COL24A1: variants seen among roughly 807,000 people sequenced by gnomAD.
COL24A1 encodes collagen alpha-1(XXIV) chain.
COL24A1 carries 224 observed loss-of-function variants against 253.9 expected under a neutral mutation model. The ratio of observed to expected loss-of-function variants is 0.88; its 90% CI spans 0.79 to 0.99. The LOEUF is 0.99. Ranked by LOEUF, COL24A1 falls within the 50% of genes least tolerant of loss-of-function variation. COL24A1 has a pLI of 0.00. For synonymous variants in COL24A1, 685 were observed against 673.7 expected (o/e 1.02, Z -0.26); for missense variants, 2,131 against 2,068.5 (o/e 1.03, Z -0.59).
At chr1:85,836,212 T>C (rs1175436566) in intron 43 of COL24A1, among the ~76,000 whole-genome samples, 2 of 152,200 alleles carry the variant, frequency 1.3e-5, no homozygotes, top group African/African-American at 2.4e-5. Flanking sequence ...TACGTATAAT[T>C]TATATGAAAT....
chr1:85,976,087 T>G (rs1571438895), intron 20 of COL24A1, among the ~76,000 whole-genome samples: 1 of 152,112 alleles, frequency 6.6e-6, no homozygotes, highest in Non-Finnish European at 1.5e-5. Context: ...AACTTTGTAA[T>G]AATTTTGACT....
intron 31 of COL24A1, among the ~76,000 whole-genome samples, chr1:85,893,266 T>C (rs1307577720): frequency 6.6e-6 from 1 of 150,624 alleles, no homozygotes; most frequent in Non-Finnish European, 1.5e-5. Flanking sequence ...GAGTAAAAAG[T>C]ATTACCAGAG....
chr1:85,940,003 G>A (rs1688590245), intron 24 of COL24A1, among the ~76,000 whole-genome samples: 1 of 152,122 alleles, frequency 6.6e-6, no homozygotes, highest in African/African-American at 2.4e-5. Flanking sequence ...TGCCTAGTAT[G>A]TCTTATTAAG....
At chr1:85,921,660 CT>C (rs982244947) in intron 24 of COL24A1, among the ~76,000 whole-genome samples, 1 of 152,168 alleles carries the variant, frequency 6.6e-6, no homozygotes, top group African/African-American at 2.4e-5. Context: ...AAAACCCCAC[CT>C]GTAGGTCACC....
Position 85,909,939 on chromosome 1 carries a change from T to A in COL24A1, c.2670+11A>T, listed in dbSNP as rs771883774. The A allele has an allele frequency of 3.6e-5, 58 of 1,605,492 alleles. No individual in the cohort carries two copies. Among genetic ancestry groups the A allele is most frequent in the Non-Finnish European group, 4.8e-5 (56 of 1,172,756 alleles). ...TTTGGAAACATATTTTTCAAATCAC[T>A]GAGCTCTTACCATAACACCTTTTTC... On this transcript the variant is annotated intron_variant, in intron 26 of 59. Transcript: ENST00000370571.
chr1:85,831,739 C>T (rs1414903610), intron 43 of COL24A1, among the ~76,000 whole-genome samples: 1 of 151,950 alleles, frequency 6.6e-6, no homozygotes, highest in Non-Finnish European at 1.5e-5. Flanking sequence ...AAAGTGAGGA[C>T]ATTCTGGCAG....
intron 24 of COL24A1, among the ~76,000 whole-genome samples, chr1:85,933,089 A>T (rs1314262103): frequency 1.5e-4 from 5 of 33,836 alleles, no homozygotes; most frequent in Non-Finnish European, 2.4e-4. Flanking sequence ...GAGTATAATA[A>T]AAAAAAAAAA....
At chr1:85,799,570 T>C (rs1004811460) in intron 47 of COL24A1, among the ~76,000 whole-genome samples, 2 of 152,152 alleles carry the variant, frequency 1.3e-5, no homozygotes, top group African/African-American at 2.4e-5. Context: ...TAGCCATTAC[T>C]ACCTTGTTTC....
At chr1:85,822,550 C>A (rs1479517275) in intron 45 of COL24A1, among the ~76,000 whole-genome samples, 1 of 152,192 alleles carries the variant, frequency 6.6e-6, no homozygotes, top group Non-Finnish European at 1.5e-5. Flanking sequence ...AGTAAACCAA[C>A]AGATTTTTAG....
rs60891279 is a variant in COL24A1, at chr1:86,046,853, C to T, written c.1922G>A (p.Arg641His). Residue 641 changes from arginine to histidine, a missense_variant, in exon 12 of 60, where the codon CGT becomes CAT. Arg to His is a conservative substitution (Grantham distance 29). Coordinates refer to ENST00000370571, the MANE Select transcript of COL24A1 (RefSeq NM_152890.7). ...TCTCCCCTTAAAACCCTTCTTTCCA[C>T]GGATCCCAGGAATGCCCTAGAATAT... is the stretch of plus-strand genomic sequence containing the variant. ...PEGERGIPGI[R>H]GKKGFKGRQG... 0.16 allele frequency: 248,579 copies of T among 1,588,090 alleles called. 21,244 individuals are homozygous for T. Among genetic ancestry groups the T allele is most frequent in the East Asian group, 0.29 (13,102 of 44,512 alleles).
At chr1:85,991,089 T>C (rs1694216343) in intron 19 of COL24A1, among the ~76,000 whole-genome samples, 1 of 152,212 alleles carries the variant, frequency 6.6e-6, no homozygotes, top group African/African-American at 2.4e-5. Context: ...CCAGACATTA[T>C]GTGCTTCCTG....
At chr1:85,965,555 A>G (rs1054741287) in intron 22 of COL24A1, among the ~76,000 whole-genome samples, 1 of 151,680 alleles carries the variant, frequency 6.6e-6, no homozygotes, top group Non-Finnish European at 1.5e-5. Flanking sequence ...CTTGTCTTTG[A>G]TGACAATGAG....
intron 32 of COL24A1, among the ~76,000 whole-genome samples, chr1:85,884,050 C>T (rs1682188671): frequency 6.6e-6 from 1 of 152,166 alleles, no homozygotes; most frequent in African/African-American, 2.4e-5. Context: ...TGCCACTTTT[C>T]TTCTCTCTGA....
At chr1:86,068,082 A>G (rs1701621055) in intron 7 of COL24A1, among the ~76,000 whole-genome samples, 1 of 152,266 alleles carries the variant, frequency 6.6e-6, no homozygotes, top group African/African-American at 2.4e-5. Context: ...AGGAGGGCAG[A>G]GCAAGATGGC....
chr1:85,787,076 T>C (rs1036294667), intron 47 of COL24A1, among the ~76,000 whole-genome samples: 3 of 152,206 alleles, frequency 2.0e-5, no homozygotes, highest in African/African-American at 7.2e-5. Flanking sequence ...ATGGAAAAAT[T>C]CTATGAAATT....
At chr1:86,147,577 C>G (rs1652068828) in intron 1 of COL24A1, among the ~76,000 whole-genome samples, 1 of 152,032 alleles carries the variant, frequency 6.6e-6, no homozygotes, top group Admixed American at 6.6e-5. Flanking sequence ...TGGATGGTTC[C>G]CAAATGTTAG....
At chr1:85,984,845 A>G (rs10493781) in intron 20 of COL24A1, among the ~76,000 whole-genome samples, 17,527 of 151,802 alleles carry the variant, frequency 0.12, 1,139 homozygotes, top group South Asian at 0.23. Flanking sequence ...TTTAAGTTCA[A>G]TGACATCAGC....
At chr1:85,769,437 C>T (rs1451820762) in intron 53 of COL24A1, among the ~76,000 whole-genome samples, 1 of 151,868 alleles carries the variant, frequency 6.6e-6, no homozygotes, top group African/African-American at 2.4e-5. Flanking sequence ...AACTGAAGAA[C>T]ACGTGCCAGG....
chr1:86,003,970 G>T (rs1211404789), intron 19 of COL24A1, among the ~76,000 whole-genome samples: 2 of 152,118 alleles, frequency 1.3e-5, no homozygotes, highest in Non-Finnish European at 2.9e-5. Flanking sequence ...TTCATCTTTG[G>T]TCACTCCCAG....
Sources: allele counts gnomAD v4.1 joint callset (sites outside exome capture counted in the v4.1 genomes callset), GRCh38; gene constraint gnomAD v4.1.1; transcripts MANE v1.5; gene names NCBI Gene and HGNC (gene_info 2026-07-23, HGNC 2026-07-21).